C16orf87: variants seen among roughly 807,000 people sequenced by gnomAD.
The protein encoded by C16orf87 is UPF0547 protein C16orf87.
A neutral mutation model predicts 21.0 loss-of-function variants in C16orf87; 13 were observed. The ratio of observed to expected loss-of-function variants is 0.62; its 90% confidence interval spans 0.40 to 0.98. The LOEUF is 0.98. C16orf87 is among the 50% of genes least tolerant of loss of function. C16orf87 has a pLI of 0.00. For missense variants in C16orf87, 113 were observed against 180.4 expected, an observed-to-expected ratio of 0.63 and a Z score of 2.14; for synonymous variants, 49 against 60.2, an observed-to-expected ratio of 0.81 and a Z score of 0.86.
intron 2 of C16orf87, among the ~76,000 whole-genome samples, chr16:46,811,229 C>T (rs142413739): frequency 1.3e-4 from 20 of 152,136 alleles, no homozygotes; most frequent in African/African-American, 4.3e-4. Context: ...GCAGGCCAGG[C>T]GCGGTGGCTC....
At chr16:46,830,723 C>CT (rs1404935827) in intron 1 of C16orf87, 1 of 198,636 alleles carries the variant, frequency 5.0e-6, no homozygotes, top group African/African-American at 2.3e-5. Flanking sequence ...GCGGCACACT[C>CT]TCGCCGGGGC....
Position 46,809,740 on chromosome 16 carries a change from C to T in C16orf87, c.209G>A (p.Arg70Lys), listed in dbSNP as rs1372121319. Reference sequence around the variant, plus strand: ...ATTTACTGTAGAATTTATCTTCTCTCTCCTAACTCTCTCTGTTCGCCTCCT... The same window carrying T: ...ATTTACTGTAGAATTTATCTTCTCTTTCCTAACTCTCTCTGTTCGCCTCCT... ...AKRRRTERVR[R>K]EKINSTVNKD... The change falls in exon 3 of 4, where the codon AGA becomes AAA. Residue 70 changes from arginine to lysine, a missense_variant. Coordinates refer to ENST00000285697, the MANE Select transcript of C16orf87 (RefSeq NM_001001436.4). 4 of 1,609,572 alleles carry T rather than the reference C, an allele frequency of 2.5e-6. No individual in the cohort carries two copies. Among genetic ancestry groups the T allele is most frequent in the South Asian group, 1.1e-5 (1 of 90,970 alleles).
At chr16:46,818,237 G>A (rs1369772786) in intron 2 of C16orf87, among the ~76,000 whole-genome samples, 1 of 152,094 alleles carries the variant, frequency 6.6e-6, no homozygotes, top group African/African-American at 2.4e-5. Flanking sequence ...AAGTAATTCA[G>A]AGTTGAGGAC....
intron 2 of C16orf87, among the ~76,000 whole-genome samples, chr16:46,818,827 C>A (rs1959298838): frequency 6.6e-6 from 1 of 152,112 alleles, no homozygotes; most frequent in African/African-American, 2.4e-5. Context: ...GTAGCTGAGA[C>A]AACAGGCACA....
chr16:46,821,970 T>C (rs1388636798), intron 2 of C16orf87, among the ~76,000 whole-genome samples: 1 of 152,234 alleles, frequency 6.6e-6, no homozygotes, highest in Non-Finnish European at 1.5e-5. Context: ...AAGTCAGAGA[T>C]CTGGGAATCT....
At chr16:46,823,320 T>C (rs1366976356) in intron 2 of C16orf87, among the ~76,000 whole-genome samples, 2 of 152,376 alleles carry the variant, frequency 1.3e-5, no homozygotes, top group South Asian at 4.1e-4. Context: ...ATTCAGTGCT[T>C]TGTGCCCAAG....
intron 2 of C16orf87, among the ~76,000 whole-genome samples, chr16:46,818,710 G>T (rs1206735713): frequency 6.6e-6 from 1 of 151,742 alleles, no homozygotes; most frequent in African/African-American, 2.4e-5. Flanking sequence ...TTAAATTTGA[G>T]ATAGAGTCTC....
At chr16:46,830,394 G>C (rs1201848131) in intron 1 of C16orf87, among the ~76,000 whole-genome samples, 3 of 151,966 alleles carry the variant, frequency 2.0e-5, no homozygotes, top group Non-Finnish European at 4.4e-5. Flanking sequence ...CGAGGGGTGG[G>C]GAAGTTAGGA....
chr16:46,828,069 G>C (rs1959693158), intron 1 of C16orf87, among the ~76,000 whole-genome samples: 1 of 151,896 alleles, frequency 6.6e-6, no homozygotes, highest in Non-Finnish European at 1.5e-5. Context: ...CGAGTAGCTG[G>C]AACTACAGAG....
At chr16:46,830,264 C>CAGAGAGAGAGAGAGAGAGAGAGAGAG in intron 1 of C16orf87, among the ~76,000 whole-genome samples, 1 of 41,218 alleles carries the variant, frequency 2.4e-5, no homozygotes, top group East Asian at 8.6e-4. Flanking sequence ...TAGAGAGAGA[C>CAGAGAGAGAGAGAGAGAGAGAGAGAG]AGACAGAGAG....
At position 46,811,110 on chromosome 16, in the gene C16orf87, A is replaced by G. The variant is rs1455163320; in HGVS notation, c.164-1325T>C. On this transcript the variant is annotated intron_variant, in intron 2 of 3. Coordinates refer to ENST00000285697, the MANE Select transcript of C16orf87 (RefSeq NM_001001436.4). ...GAGGTTTCTCATATTAAAGCTAATA[A>G]ATGAAGAAGGAATGACAGAATCAGA... 2.0e-5 allele frequency among the ~76,000 whole-genome samples: 3 copies of G among 152,230 alleles called. 1 individual carries two copies. The highest frequency in any genetic ancestry group is 1.5e-5 in the Non-Finnish European group (1 of 68,034).
intron 3 of C16orf87, among the ~76,000 whole-genome samples, chr16:46,808,597 G>A (rs1003243420): frequency 2.6e-5 from 4 of 152,132 alleles, no homozygotes; most frequent in Non-Finnish European, 1.5e-5. Context: ...GAACAATAAA[G>A]AGCAACTATC....
chr16:46,819,206 C>G (rs1430260344), intron 2 of C16orf87, among the ~76,000 whole-genome samples: 1 of 152,214 alleles, frequency 6.6e-6, no homozygotes. Flanking sequence ...CACCAAGAAC[C>G]TGGACACCCT....
intron 1 of C16orf87, among the ~76,000 whole-genome samples, chr16:46,828,038 A>T (rs567501056): frequency 7.3e-5 from 11 of 150,958 alleles, no homozygotes; most frequent in African/African-American, 2.7e-4. Context: ...GGGTTCAATC[A>T]CTTCTCCTGC....
rs533654583 is a variant in C16orf87, at chr16:46,800,038, T to C, written c.*2914A>G. On this transcript the variant is annotated 3_prime_UTR_variant, in exon 4 of 4. Transcript: ENST00000285697. Reference sequence around the variant, plus strand: ...CAAGCCAAAATTAAATATTGCCAAGTCATTTTAATGATCAGAATTAGAGAA... The same window carrying C: ...CAAGCCAAAATTAAATATTGCCAAGCCATTTTAATGATCAGAATTAGAGAA... 1 of 152,320 alleles carries C rather than the reference T, an allele frequency of 6.6e-6. No homozygotes were observed. The highest frequency in any genetic ancestry group is 2.1e-4 in the South Asian group (1 of 4,828). 9.4% of individuals were successfully genotyped at this position (152,320 alleles called of 1,614,324 possible).
In C16orf87 at chr16:46,806,121, A is replaced by G. The variant is rs1040000927; in HGVS notation, c.347-3051T>C. On this transcript the variant is annotated intron_variant, in intron 3 of 3. Coordinates refer to ENST00000285697, the MANE Select transcript of C16orf87 (RefSeq NM_001001436.4). ...CTCAATTTCACTTCTACTTCCAGAC[A>G]TAACTGATACACAAATTCCTGACTT... 4.6e-5 allele frequency among the ~76,000 whole-genome samples: 7 copies of G among 152,214 alleles called. No homozygotes were observed. The East Asian group carries it at 1.3e-3, about 29-fold the overall frequency.
intron 2 of C16orf87, among the ~76,000 whole-genome samples, chr16:46,816,652 T>C (rs1037088698): frequency 6.6e-6 from 1 of 152,194 alleles, no homozygotes; most frequent in Non-Finnish European, 1.5e-5. Context: ...GCTAATTATA[T>C]ACCCATTATT....
At chr16:46,822,311 AT>A (rs1467519141) in intron 2 of C16orf87, among the ~76,000 whole-genome samples, 4 of 152,250 alleles carry the variant, frequency 2.6e-5, no homozygotes, top group Admixed American at 6.5e-5. Context: ...AATTAAAAAA[AT>A]AAGCACTTTG....
chr16:46,797,653 T>C lies in C16orf87; in HGVS notation c.*5299A>G, dbSNP rs192647002. The C allele has an allele frequency of 1.3e-5, 2 of 152,294 alleles. No homozygotes were observed. Among genetic ancestry groups the C allele is most frequent in the African/African-American group, 4.8e-5 (2 of 41,544 alleles). 9.4% of individuals were successfully genotyped at this position (152,294 alleles called of 1,614,324 possible). On this transcript the variant is annotated 3_prime_UTR_variant, in exon 4 of 4. Transcript: ENST00000285697. ...AGCCACTGTGCCCAGCCAAGTCTTA[T>C]GATTTATAAGAAAATTATAACATAA...
Sources: gnomAD v4.1 joint callset for allele counts (sites outside exome capture counted in the v4.1 genomes callset) on GRCh38, gnomAD v4.1.1 for gene constraint, MANE v1.5 for transcripts, NCBI Gene and HGNC (gene_info 2026-07-23, HGNC 2026-07-21) for gene names.